The following GRIA4 variants were observed in gnomAD, a reference collection of about 807,000 sequenced individuals.
The protein encoded by GRIA4 is glutamate receptor 4.
In GRIA4, 34 loss-of-function variants were observed where a neutral mutation model predicts 104.0. The observed-to-expected ratio is 0.33, with a 90% CI of 0.25 to 0.44. The LOEUF (loss-of-function observed/expected upper bound fraction) is 0.44. Ranked by LOEUF, GRIA4 falls within the 20% of genes least tolerant of loss-of-function variation. The probability of loss-of-function intolerance (pLI) is 1.00; values close to 1 mark genes in which losing one functional copy is unlikely to be tolerated. For synonymous variants in GRIA4, 386 were observed against 381.9 expected (o/e 1.01, Z -0.13); for missense variants, 750 against 1,096.5 (o/e 0.68, Z 4.46).
chr11:105,654,436 T>A (rs1047736352), intron 3 of GRIA4, among the ~76,000 whole-genome samples: 23 of 152,014 alleles, frequency 1.5e-4, no homozygotes, highest in African/African-American at 5.6e-4. Context: ...TAAAAAATAA[T>A]AACTTAAAAA....
chr11:105,978,258 T>A (rs899860783), intron 16 of GRIA4, among the ~76,000 whole-genome samples: 3 of 152,100 alleles, frequency 2.0e-5, no homozygotes, highest in African/African-American at 7.2e-5. Flanking sequence ...AACGGACTAA[T>A]AGAAGATAAT....
intron 4 of GRIA4, among the ~76,000 whole-genome samples, chr11:105,852,603 C>T (rs1255045820): frequency 2.0e-5 from 3 of 152,112 alleles, no homozygotes; most frequent in Non-Finnish European, 4.4e-5. Context: ...TAGATAATCA[C>T]CTCAGTGTCA....
chr11:105,869,189 T>A (rs138875780), intron 5 of GRIA4, among the ~76,000 whole-genome samples: 2 of 152,142 alleles, frequency 1.3e-5, no homozygotes, highest in Non-Finnish European at 2.9e-5. Context: ...AGGATATAAG[T>A]TTTTTCAAGG....
At chr11:105,816,716 A>T (rs1480624064) in intron 4 of GRIA4, among the ~76,000 whole-genome samples, 1 of 152,164 alleles carries the variant, frequency 6.6e-6, no homozygotes, top group East Asian at 1.9e-4. Flanking sequence ...TATAGTGGTT[A>T]AAAGCTCAGG....
intron 3 of GRIA4, among the ~76,000 whole-genome samples, chr11:105,711,394 G>A (rs1040263069): frequency 6.6e-6 from 1 of 151,596 alleles, no homozygotes; most frequent in Non-Finnish European, 1.5e-5. Context: ...CCTGCACGCT[G>A]TGCACATGTA....
intron 3 of GRIA4, among the ~76,000 whole-genome samples, chr11:105,725,861 C>T (rs1938171464): frequency 6.6e-6 from 1 of 152,074 alleles, no homozygotes; most frequent in South Asian, 2.1e-4. Flanking sequence ...TGCTATCTGG[C>T]CAAGATACTA....
At chr11:105,862,365 T>C in intron 5 of GRIA4, 157 bp downstream of exon 5, 1 of 581,332 alleles carries the variant, frequency 1.7e-6, no homozygotes, top group Non-Finnish European at 3.0e-6. Context: ...CAAATCACAA[T>C]CTTTTATCAC....
rs181363879 is a variant in GRIA4 at position 105,845,939 on chromosome 11, T to C, written c.488-16085T>C. Among the ~76,000 whole-genome samples the C allele has an allele frequency of 1.1e-3, 160 of 152,254 alleles. 2 individuals are homozygous for C. Among genetic ancestry groups the C allele is most frequent in the Non-Finnish European group, 5.6e-4 (38 of 68,016 alleles). On this transcript the variant is annotated intron_variant, in intron 4 of 16. Coordinates refer to ENST00000282499, the MANE Select transcript of GRIA4 (RefSeq NM_000829.4). ...ACAAAAACTATCCCATAGAGTTGTT[T>C]TGAGGAAATAAGAAGTGTGAAGCCC...
chr11:105,710,255 T>C (rs1361436005), intron 3 of GRIA4, among the ~76,000 whole-genome samples: 1 of 152,096 alleles, frequency 6.6e-6, no homozygotes, highest in African/African-American at 2.4e-5. Context: ...CTGTTCATTC[T>C]GGTTTAATCT....
chr11:105,647,214 T>C (rs1951554514), intron 3 of GRIA4, among the ~76,000 whole-genome samples: 1 of 152,122 alleles, frequency 6.6e-6, no homozygotes, highest in Non-Finnish European at 1.5e-5. Flanking sequence ...CACTAGTCAT[T>C]AGAAAAATGC....
chr11:105,722,593 G>C (rs1057448968), intron 3 of GRIA4, among the ~76,000 whole-genome samples: 4 of 151,978 alleles, frequency 2.6e-5, no homozygotes, highest in African/African-American at 9.7e-5. Context: ...TATCAATAGT[G>C]AGCAAAAGTT....
In GRIA4 at chr11:105,979,699, A is replaced by G; in HGVS notation, c.2669A>G (p.Gln890Arg). ...GTACACACTGGAACTGCAATCAGACAAAGTTCAGGATTGGCTGTCATTGCA... is the reference window on the plus strand; with the variant it reads ...GTACACACTGGAACTGCAATCAGACGAAGTTCAGGATTGGCTGTCATTGCA... ...KAVHTGTAIR[Q>R]SSGLAVIASD... The change falls in exon 17 of 17, where the codon CAA (glutamine) becomes CGA (arginine). Residue 890 changes from glutamine (Q) to arginine (R), a missense_variant. Transcript: ENST00000282499. 1 of 1,614,126 alleles carries G rather than the reference A, an allele frequency of 6.2e-7. No individual in the cohort carries two copies. Among genetic ancestry groups the G allele is most frequent in the East Asian group, 2.2e-5 (1 of 44,884 alleles).
Position 105,918,846 on chromosome 11 carries a change from T to C in GRIA4, c.1404T>C (p.Pro468=). 6.2e-7 allele frequency: 1 copy of C among 1,611,272 alleles called. No individual in the cohort carries two copies. The highest frequency in any genetic ancestry group is 1.1e-5 in the South Asian group (1 of 91,030). Residue 468 remains proline (P), a synonymous_variant, in exon 11 of 17, where the codon CCT becomes CCC. Coordinates refer to ENST00000282499, the MANE Select transcript of GRIA4 (RefSeq NM_000829.4). ...IGIKYKIAIV[P]DGKYGARDAD... ...TCAAGTATAAAATTGCCATTGTCCC[T>C]GATGGAAAATATGGAGCAAGGGATG...
At chr11:105,734,388 C>T (rs1248699904) in intron 3 of GRIA4, among the ~76,000 whole-genome samples, 1 of 152,038 alleles carries the variant, frequency 6.6e-6, no homozygotes, top group East Asian at 1.9e-4. Context: ...CTCTTCACAG[C>T]CCTTGCATTC....
intron 4 of GRIA4, among the ~76,000 whole-genome samples, chr11:105,834,565 G>T (rs1001497874): frequency 6.6e-6 from 1 of 151,940 alleles, no homozygotes; most frequent in Admixed American, 6.6e-5. Flanking sequence ...AAGCATACTG[G>T]CATTTTAAGG....
chr11:105,687,116 G>T (rs898038810), intron 3 of GRIA4, among the ~76,000 whole-genome samples: 1 of 152,088 alleles, frequency 6.6e-6, no homozygotes, highest in Non-Finnish European at 1.5e-5. Flanking sequence ...TGCTTTTGAA[G>T]AATTAGTTAT....
intron 3 of GRIA4, among the ~76,000 whole-genome samples, chr11:105,750,060 T>A (rs1939909101): frequency 6.6e-6 from 1 of 152,180 alleles, no homozygotes. Context: ...ATCTAAGACA[T>A]TTTATTGTTT....
At chr11:105,775,994 T>C (rs1048811609) in intron 4 of GRIA4, among the ~76,000 whole-genome samples, 1 of 151,944 alleles carries the variant, frequency 6.6e-6, no homozygotes, top group African/African-American at 2.4e-5. Flanking sequence ...TGTAAATAAA[T>C]ATATTTATAA....
intron 3 of GRIA4, among the ~76,000 whole-genome samples, chr11:105,718,669 G>T (rs569022469): frequency 6.6e-6 from 1 of 152,192 alleles, no homozygotes; most frequent in African/African-American, 2.4e-5. Flanking sequence ...TGGTGGTAAT[G>T]GTGGTGTCTC....
Sources: gnomAD v4.1 joint callset for allele counts (sites outside exome capture counted in the v4.1 genomes callset) on GRCh38, gnomAD v4.1.1 for gene constraint, MANE v1.5 for transcripts, NCBI Gene and HGNC (gene_info 2026-07-23, HGNC 2026-07-21) for gene names.